PCDH15: variants seen among roughly 807,000 people sequenced by gnomAD.
PCDH15 encodes protocadherin related 15, also known as protocadherin-15.
PCDH15 carries 129 observed loss-of-function variants against 178.5 expected under a neutral mutation model. That is an observed-to-expected ratio of 0.72 (90% confidence interval 0.63 to 0.84). The LOEUF (loss-of-function observed/expected upper bound fraction) is 0.84. PCDH15 is among the 40% of genes least tolerant of loss of function. The pLI, the probability that PCDH15 is intolerant of heterozygous loss-of-function variation, is 0.00. For synonymous variants in PCDH15, 800 were observed against 732.0 expected (o/e 1.09, Z -1.50); for missense variants, 2,230 against 2,099.9 (o/e 1.06, Z -1.21).
intron 26 of PCDH15, among the ~76,000 whole-genome samples, chr10:53,897,639 GTCT>G (rs34733482): frequency 0.088 from 13,450 of 151,994 alleles, 629 homozygotes; most frequent in South Asian, 0.1. Context: ...TGCTCAAAAC[GTCT>G]TCTTCTTCCC....
intron 2 of PCDH15, among the ~76,000 whole-genome samples, chr10:55,113,963 G>T (rs1591913300): frequency 6.6e-6 from 1 of 151,700 alleles, no homozygotes; most frequent in East Asian, 1.9e-4. Context: ...TTATTTTTTT[G>T]AGATGGAATC....
intron 2 of PCDH15, among the ~76,000 whole-genome samples, chr10:54,972,262 G>A (rs927815856): frequency 1.3e-5 from 2 of 152,146 alleles, no homozygotes; most frequent in Non-Finnish European, 2.9e-5. Flanking sequence ...ATACTTGGCT[G>A]GGCGTGGTGG....
Position 54,713,699 on chromosome 10 carries a change from A to G in PCDH15, c.-28-49409T>C, listed in dbSNP as rs146689427. 3.8e-3 allele frequency among the ~76,000 whole-genome samples: 585 copies of G among 152,230 alleles called. 3 individuals are homozygous for G. Among genetic ancestry groups the G allele is most frequent in the African/African-American group, 0.013 (554 of 41,576 alleles). On this transcript the variant is annotated intron_variant, in intron 1 of 37. Transcript: ENST00000644397. Reference sequence around the variant, plus strand: ...GACAAAGCTCTAAGAACATTTTAATATATCTGGCCATATGCCTGTAAGGTT... The same window carrying G: ...GACAAAGCTCTAAGAACATTTTAATGTATCTGGCCATATGCCTGTAAGGTT...
At chr10:54,021,240 C>G (rs1201066560) in intron 19 of PCDH15, among the ~76,000 whole-genome samples, 1 of 151,954 alleles carries the variant, frequency 6.6e-6, no homozygotes, top group South Asian at 2.1e-4. Flanking sequence ...CTGGCAAATG[C>G]ACCTCAGGTA....
At chr10:55,456,644 T>G (rs1386219197) in intron 2 of PCDH15, among the ~76,000 whole-genome samples, 1 of 152,096 alleles carries the variant, frequency 6.6e-6, no homozygotes, top group African/African-American at 2.4e-5. Flanking sequence ...TTTCAAAATA[T>G]ATTTTGGATA....
chr10:54,472,001 T>A (rs528779266), intron 3 of PCDH15, among the ~76,000 whole-genome samples: 2 of 152,126 alleles, frequency 1.3e-5, no homozygotes, highest in Non-Finnish European at 2.9e-5. Flanking sequence ...CTTTTTAGCA[T>A]TAAGCCAGTG....
chr10:54,855,084 T>C (rs1298721995), intron 3 of PCDH15, among the ~76,000 whole-genome samples: 1 of 152,218 alleles, frequency 6.6e-6, no homozygotes, highest in Non-Finnish European at 1.5e-5. Flanking sequence ...ACCCAGTGTG[T>C]ACACACACAC....
At chr10:55,254,757 T>C (rs1475511663) in intron 1 of PCDH15, among the ~76,000 whole-genome samples, 1 of 152,164 alleles carries the variant, frequency 6.6e-6, no homozygotes, top group Admixed American at 6.5e-5. Flanking sequence ...TTTGTGAAGC[T>C]TATGTAATTT....
intron 2 of PCDH15, among the ~76,000 whole-genome samples, chr10:54,953,983 A>C (rs959485031): frequency 2.0e-5 from 3 of 151,146 alleles, no homozygotes; most frequent in African/African-American, 7.3e-5. Flanking sequence ...TTAATTCTTC[A>C]TGTATAGATA....
chr10:55,075,985 A>G (rs1841876418), intron 2 of PCDH15, among the ~76,000 whole-genome samples: 2 of 152,138 alleles, frequency 1.3e-5, no homozygotes, highest in East Asian at 1.9e-4. Flanking sequence ...GTTAATATCT[A>G]TATTGAACCA....
intron 2 of PCDH15, among the ~76,000 whole-genome samples, chr10:54,567,641 T>C (rs1342109576): frequency 2.0e-5 from 3 of 152,184 alleles, no homozygotes; most frequent in Non-Finnish European, 2.9e-5. Context: ...GTTCAAGATC[T>C]CTATGCTCTA....
intron 3 of PCDH15, among the ~76,000 whole-genome samples, chr10:54,382,827 T>C (rs1949402954): frequency 6.6e-6 from 1 of 152,150 alleles, no homozygotes; most frequent in Non-Finnish European, 1.5e-5. Flanking sequence ...AAAGAAACTA[T>C]CAAATAATAA....
chr10:55,357,246 T>C (rs1245319288), intron 2 of PCDH15, among the ~76,000 whole-genome samples: 1 of 151,900 alleles, frequency 6.6e-6, no homozygotes, highest in Non-Finnish European at 1.5e-5. Context: ...CTATGAAACA[T>C]AAATATACAA....
chr10:54,717,398 T>A (rs1280151969), intron 1 of PCDH15, among the ~76,000 whole-genome samples: 2 of 133,698 alleles, frequency 1.5e-5, no homozygotes, highest in Non-Finnish European at 3.2e-5. Flanking sequence ...TACAATGAAC[T>A]CAAACAAATT....
At chr10:55,014,315 C>A (rs1250557303) in intron 2 of PCDH15, among the ~76,000 whole-genome samples, 1 of 151,996 alleles carries the variant, frequency 6.6e-6, no homozygotes, top group Non-Finnish European at 1.5e-5. Flanking sequence ...AGATGCAATA[C>A]ACAAACTTAT....
At chr10:54,321,147 A>T (rs1341574009) in intron 7 of PCDH15, among the ~76,000 whole-genome samples, 1 of 149,504 alleles carries the variant, frequency 6.7e-6, no homozygotes, top group Non-Finnish European at 1.5e-5. Flanking sequence ...TACTTGTGGC[A>T]CTGGAGTTAA....
chr10:54,881,969 A>AAT (rs1954271387), intron 3 of PCDH15, among the ~76,000 whole-genome samples: 1 of 152,150 alleles, frequency 6.6e-6, no homozygotes, highest in Non-Finnish European at 1.5e-5. Context: ...GCCTAAATAT[A>AAT]AGTGCCATGA....
chr10:54,413,430 T>A (rs564850658), intron 3 of PCDH15, among the ~76,000 whole-genome samples: 1 of 152,294 alleles, frequency 6.6e-6, no homozygotes, highest in Non-Finnish European at 1.5e-5. Flanking sequence ...TTCAGGAAAC[T>A]ATATAATCAA....
chr10:55,572,531 A>C (rs1319100555), intron 2 of PCDH15, among the ~76,000 whole-genome samples: 1 of 152,010 alleles, frequency 6.6e-6, no homozygotes, highest in Non-Finnish European at 1.5e-5. Flanking sequence ...TGATCAAAAC[A>C]CATACAATTA....
Sources: allele counts gnomAD v4.1 joint callset (sites outside exome capture counted in the v4.1 genomes callset), GRCh38; gene constraint gnomAD v4.1.1; transcripts MANE v1.5; gene names NCBI Gene and HGNC (gene_info 2026-07-23, HGNC 2026-07-21).